DST: variants seen among roughly 807,000 people sequenced by gnomAD.
DST encodes the protein bullous pemphigoid antigen.
DST carries 253 observed loss-of-function variants against 875.2 expected under a neutral mutation model. The observed-to-expected ratio is 0.29, with a 90% CI of 0.26 to 0.32. The LOEUF (loss-of-function observed/expected upper bound fraction) is 0.32, where lower values mean the gene tolerates loss of function less well. Ranked by LOEUF, DST falls within the 10% of genes least tolerant of loss-of-function variation. The pLI is 1.00. For missense variants in DST, 8,287 were observed against 9,111.6 expected (o/e 0.91, Z 3.68); for synonymous variants, 3,124 against 3,197.1 (o/e 0.98, Z 0.77).
intron 3 of DST, among the ~76,000 whole-genome samples, chr6:56,897,492 G>C (rs1201245662): frequency 6.6e-6 from 1 of 152,028 alleles, no homozygotes. Context: ...CACCACACCT[G>C]GCTAATTTTT....
At position 56,714,638 on chromosome 6, in the gene DST, C is replaced by T. The variant is rs544100293; in HGVS notation, c.688-10269G>A. On this transcript the variant is annotated intron_variant, in intron 5 of 103. Transcript: ENST00000680361. This position sits in a 1 kb window ranked among gnomAD's most constrained non-coding sequence, Gnocchi z 4.5. ...CAGGGGCCACACTTCTGAAAGTGAA[C>T]CACATAACAGCTATGGGTTTACTGG... Among the ~76,000 whole-genome samples the T allele has an allele frequency of 2.6e-5, 4 of 152,320 alleles. No homozygotes were observed. In the South Asian group the frequency reaches 8.3e-4, roughly 32 times the overall value.
chr6:56,607,367 T>G lies in DST; in HGVS notation c.7261A>C (p.Asn2421His), dbSNP rs1018823073. Residue 2421 changes from asparagine to histidine, a missense_variant, in exon 40 of 104, where the codon AAT (asparagine) becomes CAT (histidine). Asn to His is a moderately conservative substitution (Grantham distance 68). This residue lies in a region of DST where 3,138 missense variants were observed against 3,116.6 expected (regional missense o/e 1.01). Coordinates refer to ENST00000680361, the MANE Select transcript of DST (RefSeq NM_001374736.1). ...CGVNETENED[N>H]TNRDSPIFDY... ...AAGATAGGTGAATCCCTGTTTGTAT[T>G]ATCTTCATTCTCTGTTTCATTCACA... is the stretch of plus-strand genomic sequence containing the variant. 1.2e-6 allele frequency: 2 copies of G among 1,613,036 alleles called. No individual in the cohort carries two copies. The highest frequency in any genetic ancestry group is 1.7e-6 in the Non-Finnish European group (2 of 1,179,622).
chr6:56,631,420 G>A (rs2098778776), intron 29 of DST, 31 bp from the exon 30 acceptor site: 4 of 1,593,076 alleles, frequency 2.5e-6, no homozygotes, highest in Non-Finnish European at 2.6e-6. Context: ...AAAGGTATCA[G>A]GCCATCACCT....
chr6:56,489,349 A>G, intron 86 of DST, 141 bp downstream of exon 86: 1 of 711,846 alleles, frequency 1.4e-6, no homozygotes, highest in Non-Finnish European at 2.0e-6. Context: ...ATGAAGAGCA[A>G]TAGCTTTTAA....
At chr6:56,625,605 C>G (rs574076995) in intron 34 of DST, among the ~76,000 whole-genome samples, 2 of 151,970 alleles carry the variant, frequency 1.3e-5, no homozygotes, top group South Asian at 4.2e-4. Context: ...CTGTGCTGCC[C>G]GTCACACAAA....
intron 69 of DST, among the ~76,000 whole-genome samples, chr6:56,525,910 C>A (rs1172174756): frequency 6.6e-6 from 1 of 152,282 alleles, no homozygotes; most frequent in African/African-American, 2.4e-5. Flanking sequence ...ACATTACCAA[C>A]AAAACTGCTT....
intron 3 of DST, among the ~76,000 whole-genome samples, chr6:56,878,344 T>A (rs1274032779): frequency 6.6e-6 from 1 of 152,168 alleles, no homozygotes; most frequent in Non-Finnish European, 1.5e-5. Flanking sequence ...AACATGTGAC[T>A]AGAATATGAC....
chr6:56,788,306 A>G (rs1457741465), intron 4 of DST, among the ~76,000 whole-genome samples: 4 of 151,588 alleles, frequency 2.6e-5, no homozygotes, highest in Non-Finnish European at 5.9e-5. Flanking sequence ...AGTTCAAGCA[A>G]TTATCCTGCC....
intron 10 of DST, among the ~76,000 whole-genome samples, chr6:56,670,206 T>A (rs957679070): frequency 6.6e-6 from 1 of 150,826 alleles, no homozygotes; most frequent in Non-Finnish European, 1.5e-5. Context: ...GGCCTCTAAG[T>A]AGTGGAAATG....
chr6:56,600,118 A>G lies in DST; in HGVS notation c.11645T>C (p.Met3882Thr), dbSNP rs904105161. 1 of 1,613,118 alleles carries G rather than the reference A, an allele frequency of 6.2e-7. No individual in the cohort carries two copies. Among genetic ancestry groups the G allele is most frequent in the Non-Finnish European group, 8.5e-7 (1 of 1,179,288 alleles). ...NRLIGHQEAF[M>T]IGDGTVELKK... is the part of the protein sequence containing the mutation. The stretch of plus-strand genomic sequence containing the variant: ...TAACTCAACTGTGCCATCTCCAATC[A>G]TGAAGGCTTCTTGGTGACCAATTAG... Residue 3882 changes from methionine (M) to threonine (T), a missense_variant, in exon 45 of 104, where the codon ATG becomes ACG. Coordinates refer to ENST00000680361, the MANE Select transcript of DST (RefSeq NM_001374736.1).
chr6:56,693,291 C>T, intron 9 of DST: 4 of 1,175,628 alleles, frequency 3.4e-6, no homozygotes, highest in Non-Finnish European at 4.3e-6. Context: ...CAGTCTGAGG[C>T]CATTTTGCTT....
intron 9 of DST, among the ~76,000 whole-genome samples, chr6:56,681,710 A>G (rs1355389560): frequency 6.6e-6 from 1 of 152,268 alleles, no homozygotes; most frequent in Non-Finnish European, 1.5e-5. Context: ...TAGCTAGGGC[A>G]GTGCTTGGCA....
chr6:56,691,552 A>C (rs138924057), intron 9 of DST, among the ~76,000 whole-genome samples: 1 of 152,326 alleles, frequency 6.6e-6, no homozygotes, highest in African/African-American at 2.4e-5. Context: ...TTAAAAGATA[A>C]AGTTAGGAAT....
At chr6:56,473,647 C>T (rs2095016826) in intron 93 of DST, among the ~76,000 whole-genome samples, 1 of 152,146 alleles carries the variant, frequency 6.6e-6, no homozygotes, top group Non-Finnish European at 1.5e-5. Flanking sequence ...ATGAAAGATA[C>T]ACTTCAAGAC....
At chr6:56,860,348 A>G (rs925141650) in intron 3 of DST, among the ~76,000 whole-genome samples, 4 of 152,214 alleles carry the variant, frequency 2.6e-5, no homozygotes, top group Non-Finnish European at 5.9e-5. Flanking sequence ...TAAAAATAAG[A>G]AAACTGGAGA....
chr6:56,526,644 T>A, intron 68 of DST, 77 bp from the exon 69 acceptor site: 2 of 1,360,174 alleles, frequency 1.5e-6, no homozygotes, highest in Non-Finnish European at 2.0e-6. Flanking sequence ...GGAGCTCAAG[T>A]CCTTTGCAGG....
intron 4 of DST, among the ~76,000 whole-genome samples, chr6:56,779,722 CTT>C (rs72488669): frequency 6.3e-5 from 9 of 143,044 alleles, no homozygotes; most frequent in South Asian, 2.3e-4. Context: ...CTTCCTTATT[CTT>C]TTTTTTTTTT....
At chr6:56,499,403 T>C (rs910147790) in intron 80 of DST, among the ~76,000 whole-genome samples, 2 of 152,160 alleles carry the variant, frequency 1.3e-5, no homozygotes, top group East Asian at 3.8e-4. Context: ...CACTTTGGTA[T>C]GTTAAGAGTA....
intron 37 of DST, among the ~76,000 whole-genome samples, chr6:56,613,504 G>A (rs1016105690): frequency 1.3e-5 from 2 of 152,182 alleles, no homozygotes; most frequent in African/African-American, 4.8e-5. Context: ...AGCTAGAAGT[G>A]GGAGCTAAAC....
Sources: allele counts gnomAD v4.1 joint callset (sites outside exome capture counted in the v4.1 genomes callset), GRCh38; gene constraint gnomAD v4.1.1; regional missense constraint gnomAD v4.1.1; non-coding constraint Gnocchi (gnomAD v3.1); transcripts MANE v1.5; gene names NCBI Gene and HGNC (gene_info 2026-07-23, HGNC 2026-07-21).